SH3RF2: variants seen among roughly 807,000 people sequenced by gnomAD.
SH3RF2 encodes the protein E3 ubiquitin-protein ligase SH3RF2.
In SH3RF2, 43 loss-of-function variants were observed where a neutral mutation model predicts 59.0. That is an observed-to-expected ratio of 0.73 (90% confidence interval 0.57 to 0.94). The LOEUF (loss-of-function observed/expected upper bound fraction) is 0.94, where lower values mean the gene tolerates loss of function less well. SH3RF2 is among the 40% of genes least tolerant of loss of function. The pLI is 0.00. For synonymous variants in SH3RF2, 391 were observed against 391.5 expected (o/e 1.00, Z 0.01); for missense variants, 930 against 940.1 (o/e 0.99, Z 0.14).
intron 5 of SH3RF2, among the ~76,000 whole-genome samples, chr5:146,030,639 C>A (rs1331769200): frequency 6.6e-6 from 1 of 151,998 alleles, no homozygotes. Flanking sequence ...TCATTCATTT[C>A]TTTGAGCTAT....
intron 2 of SH3RF2, chr5:145,997,481 A>G: frequency 6.4e-7 from 1 of 1,567,634 alleles, no homozygotes; most frequent in Non-Finnish European, 8.8e-7. Flanking sequence ...TAATGGATAC[A>G]GTACAATTTG....
Position 145,938,038 on chromosome 5 carries a change from T to C in SH3RF2, c.110T>C (p.Leu37Pro). Residue 37 changes from leucine (L) to proline (P), a missense_variant, in exon 2 of 10, where the codon CTA becomes CCA. Transcript: ENST00000359120. Reference protein sequence around the residue: ...PCQHTFCKPCLQRVFKAHKEL... With the variant: ...PCQHTFCKPCPQRVFKAHKEL... ...CAGCACACCTTCTGCAAACCATGTCTACAGAGGGTTTTCAAGGCCCACAAA... is the reference window on the plus strand; with the variant it reads ...CAGCACACCTTCTGCAAACCATGTCCACAGAGGGTTTTCAAGGCCCACAAA... The C allele has an allele frequency of 6.2e-7, 1 of 1,614,222 alleles. No individual in the cohort carries two copies. Among genetic ancestry groups the C allele is most frequent in the Non-Finnish European group, 8.5e-7 (1 of 1,180,028 alleles).
chr5:145,972,192 G>A (rs890001676), intron 2 of SH3RF2, among the ~76,000 whole-genome samples: 6 of 151,888 alleles, frequency 4.0e-5, no homozygotes, highest in African/African-American at 1.2e-4. Context: ...TAACTTAACA[G>A]CATTAATTCA....
intron 5 of SH3RF2, among the ~76,000 whole-genome samples, chr5:146,033,840 T>C (rs1432324987): frequency 6.6e-6 from 1 of 152,068 alleles, no homozygotes; most frequent in Non-Finnish European, 1.5e-5. Flanking sequence ...TTAGGGAATA[T>C]CAAGAAAAGG....
At chr5:146,081,718 G>A (rs1028691300) in exon 10 of SH3RF2, 4 of 152,104 alleles carry the variant, frequency 2.6e-5, no homozygotes, top group Non-Finnish European at 4.4e-5. Flanking sequence ...GTAAGCGTGT[G>A]AAGCCAAATA....
chr5:145,997,616 T>C, intron 2 of SH3RF2: 1 of 1,595,172 alleles, frequency 6.3e-7, no homozygotes. Context: ...TTAAGAAAAT[T>C]ACTTATCCTC....
chr5:145,969,419 T>A (rs935456488), intron 2 of SH3RF2, among the ~76,000 whole-genome samples: 1 of 152,106 alleles, frequency 6.6e-6, no homozygotes, highest in Non-Finnish European at 1.5e-5. Context: ...CAACAAAAGA[T>A]GTTCACTATC....
rs567151583 is a variant in SH3RF2, at chr5:146,044,305, C to T, written c.1060-3467C>T. Reference sequence around the variant, plus strand: ...AGCTGGAATTACAGGCGCATGCCACCACCCCCAGCTAATTTTTGTATGTTT... The same window carrying T: ...AGCTGGAATTACAGGCGCATGCCACTACCCCCAGCTAATTTTTGTATGTTT... On this transcript the variant is annotated intron_variant, in intron 5 of 9. Coordinates refer to ENST00000359120, the MANE Select transcript of SH3RF2 (RefSeq NM_152550.4). 6.6e-5 allele frequency among the ~76,000 whole-genome samples: 10 copies of T among 152,210 alleles called. No individual in the cohort carries two copies. The South Asian group carries it at 2.1e-3, about 32-fold the overall frequency.
intron 9 of SH3RF2, among the ~76,000 whole-genome samples, chr5:146,076,598 G>A (rs923354370): frequency 2.6e-5 from 4 of 152,204 alleles, no homozygotes; most frequent in South Asian, 4.1e-4. Context: ...TGCTTCTCCC[G>A]CTGAATGCAA....
intron 5 of SH3RF2, among the ~76,000 whole-genome samples, chr5:146,018,760 C>T (rs193176015): frequency 2.5e-3 from 386 of 152,200 alleles, no homozygotes; most frequent in Non-Finnish European, 3.8e-3. Flanking sequence ...AGTGTTTAAG[C>T]GCTCCCTTTT....
chr5:145,948,242 T>A (rs1042651204), intron 2 of SH3RF2, among the ~76,000 whole-genome samples: 1 of 152,218 alleles, frequency 6.6e-6, no homozygotes, highest in African/African-American at 2.4e-5. Context: ...AAAATATGAT[T>A]ACACATCAAA....
chr5:146,050,926 G>C (rs1366676149), intron 7 of SH3RF2, among the ~76,000 whole-genome samples: 1 of 152,202 alleles, frequency 6.6e-6, no homozygotes, highest in African/African-American at 2.4e-5. Flanking sequence ...TAAAGACACA[G>C]CAAGTACAAA....
chr5:145,944,038 G>T (rs960174501), intron 2 of SH3RF2, among the ~76,000 whole-genome samples: 2 of 152,134 alleles, frequency 1.3e-5, no homozygotes, highest in Admixed American at 1.3e-4. Flanking sequence ...CCCATTGCCA[G>T]CACTGTTACA....
chr5:145,938,353 A>G, intron 2 of SH3RF2, 47 bp downstream of exon 2: 1 of 1,496,072 alleles, frequency 6.7e-7, no homozygotes. Context: ...TAGAGGTTGG[A>G]TTTGTGTATA....
intron 3 of SH3RF2, 144 bp downstream of exon 3, chr5:146,000,471 A>G (rs1760366400): frequency 1.5e-6 from 1 of 673,134 alleles, no homozygotes; most frequent in Non-Finnish European, 2.0e-6. Flanking sequence ...TCATAAAAAT[A>G]TATTTTGTGC....
chr5:146,062,857 T>C lies in SH3RF2; in HGVS notation c.*156T>C, dbSNP rs1762953074. 2 of 1,012,992 alleles carry C rather than the reference T, an allele frequency of 2.0e-6. No individual in the cohort carries two copies. Among genetic ancestry groups the C allele is most frequent in the Non-Finnish European group, 1.4e-6 (1 of 713,382 alleles). The allele number at this position is 1,012,992 out of a possible 1,614,324, so 62.8% of individuals were successfully genotyped here. Reference sequence around the variant, plus strand: ...GGAAAGCAAAAGTGGGAGCAGAAATTCCTGCCCTGGGTGGGAGGATAGATG... The same window carrying C: ...GGAAAGCAAAAGTGGGAGCAGAAATCCCTGCCCTGGGTGGGAGGATAGATG... On this transcript the variant is annotated 3_prime_UTR_variant, in exon 10 of 10. Coordinates refer to ENST00000359120, the MANE Select transcript of SH3RF2 (RefSeq NM_152550.4).
At chr5:146,022,874 AACACACACACACACACACACACAC>A (rs57377156) in intron 5 of SH3RF2, among the ~76,000 whole-genome samples, 4 of 141,964 alleles carry the variant, frequency 2.8e-5, no homozygotes, top group East Asian at 2.1e-4. Flanking sequence ...GCTCCATCTA[AACACACACACACACACACACACAC>A]ACACACACAC....
chr5:146,055,914 T>C (rs769643552), intron 7 of SH3RF2, 67 bp from the exon 8 acceptor site: 145 of 1,539,294 alleles, frequency 9.4e-5, no homozygotes, highest in Middle Eastern at 7.0e-4. Flanking sequence ...GGTTTTTAAA[T>C]AGGACTCTTG....
At chr5:145,951,636 G>A (rs1758196556) in intron 2 of SH3RF2, among the ~76,000 whole-genome samples, 1 of 152,010 alleles carries the variant, frequency 6.6e-6, no homozygotes, top group African/African-American at 2.4e-5. Context: ...CTGTGTCTGA[G>A]GCACATACTA....
Sources: gnomAD v4.1 joint callset for allele counts (sites outside exome capture counted in the v4.1 genomes callset) on GRCh38, gnomAD v4.1.1 for gene constraint, MANE v1.5 for transcripts, NCBI Gene and HGNC (gene_info 2026-07-23, HGNC 2026-07-21) for gene names.